NOX3: variants seen among roughly 807,000 people sequenced by gnomAD.
NOX3 encodes NADPH oxidase 3.
NOX3 carries 74 observed loss-of-function variants against 76.7 expected under a neutral mutation model. The ratio of observed to expected loss-of-function variants is 0.96; its 90% CI spans 0.80 to 1.17. The LOEUF (loss-of-function observed/expected upper bound fraction) is 1.17. Among genes scored for constraint, NOX3 ranks in the 50% most tolerant of loss-of-function variants. The probability of loss-of-function intolerance (pLI) is 0.00; values close to 1 mark genes in which losing one functional copy is unlikely to be tolerated. For synonymous variants in NOX3, 263 were observed against 261.1 expected (o/e 1.01, Z -0.07); for missense variants, 695 against 703.3 (o/e 0.99, Z 0.13).
In NOX3 at chr6:155,426,125, G is replaced by T. The variant is rs1357948993; in HGVS notation, c.1145+2669C>A. Among the ~76,000 whole-genome samples, 7 of 152,186 alleles carry T rather than the reference G, an allele frequency of 4.6e-5. No individual in the cohort carries two copies. In the South Asian group the frequency reaches 1.5e-3, roughly 32 times the overall value. On this transcript the variant is annotated intron_variant, in intron 9 of 13. Coordinates refer to ENST00000159060, the MANE Select transcript of NOX3 (RefSeq NM_015718.3). ...ACATCCTGATTCTTTGTATGTTGAA[G>T]ATTTAAACAAATTCTAGTTTTTTGG...
In NOX3 at chr6:155,454,900, C is replaced by T; in HGVS notation, c.166G>A (p.Ala56Thr). 6.2e-7 allele frequency: 1 copy of T among 1,611,044 alleles called. No individual in the cohort carries two copies. Among genetic ancestry groups the T allele is most frequent in the Admixed American group, 1.7e-5 (1 of 59,234 alleles). The change falls in exon 3 of 14, where the codon GCA (alanine) becomes ACA (threonine). Residue 56 changes from alanine to threonine, a missense_variant. Ala to Thr is a moderately conservative substitution (Grantham distance 58). Coordinates refer to ENST00000159060, the MANE Select transcript of NOX3 (RefSeq NM_015718.3). ...TTAAAATTCAGGCACAGTGCGGATG[C>T]TCGTGCCCAAGCCAGTGTTGACTGT... ...ILGSTLAWAR[A>T]SALCLNFNCM...
At chr6:155,400,407 C>T (rs2114673263) in intron 12 of NOX3, among the ~76,000 whole-genome samples, 1 of 152,272 alleles carries the variant, frequency 6.6e-6, no homozygotes, top group Non-Finnish European at 1.5e-5. Flanking sequence ...TACTTTATAC[C>T]CTGAGTGCAT....
At chr6:155,427,439 T>C (rs1441594554) in intron 9 of NOX3, among the ~76,000 whole-genome samples, 1 of 152,204 alleles carries the variant, frequency 6.6e-6, no homozygotes, top group Non-Finnish European at 1.5e-5. Flanking sequence ...AAAGAATCCA[T>C]ATTGGCCCCA....
chr6:155,422,506 G>T (rs920828077), intron 10 of NOX3, among the ~76,000 whole-genome samples, 188 bp downstream of exon 10: 1 of 152,178 alleles, frequency 6.6e-6, no homozygotes, highest in Non-Finnish European at 1.5e-5. Context: ...TCTTTAACAA[G>T]ATTAGACATA....
At chr6:155,403,807 G>A (rs989440120) in intron 12 of NOX3, among the ~76,000 whole-genome samples, 2 of 152,106 alleles carry the variant, frequency 1.3e-5, no homozygotes, top group Non-Finnish European at 1.5e-5. Flanking sequence ...TTTATCCTTG[G>A]TCTCTTGATG....
At chr6:155,418,311 G>C (rs1490569258) in intron 10 of NOX3, among the ~76,000 whole-genome samples, 1 of 152,104 alleles carries the variant, frequency 6.6e-6, no homozygotes, top group African/African-American at 2.4e-5. Context: ...TTTATTGCTA[G>C]AGGGCATTTT....
intron 7 of NOX3, among the ~76,000 whole-genome samples, chr6:155,434,707 C>T (rs1338168464): frequency 6.6e-6 from 1 of 152,182 alleles, no homozygotes; most frequent in Non-Finnish European, 1.5e-5. Context: ...TGGGGCATCA[C>T]ACACTTCATT....
intron 11 of NOX3, among the ~76,000 whole-genome samples, chr6:155,408,809 G>C (rs1776502388): frequency 6.6e-6 from 1 of 152,132 alleles, no homozygotes; most frequent in South Asian, 2.1e-4. Context: ...CAGCAACATG[G>C]GTGGAGCTGG....
chr6:155,448,875 G>A (rs1290555741), intron 4 of NOX3, among the ~76,000 whole-genome samples: 1 of 152,112 alleles, frequency 6.6e-6, no homozygotes, highest in East Asian at 1.9e-4. Context: ...CAAGGACCCA[G>A]GGACAGATTC....
At chr6:155,417,061 T>C (rs1777597309) in intron 10 of NOX3, among the ~76,000 whole-genome samples, 1 of 152,114 alleles carries the variant, frequency 6.6e-6, no homozygotes, top group African/African-American at 2.4e-5. Flanking sequence ...TGAAACATTA[T>C]TTAATAGCAG....
At chr6:155,412,022 T>C (rs1776558326) in intron 10 of NOX3, among the ~76,000 whole-genome samples, 1 of 152,192 alleles carries the variant, frequency 6.6e-6, no homozygotes. Context: ...AAAAAGTAGC[T>C]TGGGTTTGCT....
chr6:155,407,188 A>T lies in NOX3; in HGVS notation c.1522T>A (p.Phe508Ile). The T allele has an allele frequency of 1.2e-6, 2 of 1,614,136 alleles. No homozygotes were observed. The highest frequency in any genetic ancestry group is 1.7e-6 in the Non-Finnish European group (2 of 1,179,990). Residue 508 changes from phenylalanine to isoleucine, a missense_variant, in exon 12 of 14, where the codon TTC (phenylalanine) becomes ATC (isoleucine). By Grantham distance (21) the Phe-to-Ile change is conservative. Transcript: ENST00000159060. ...DVITGLKQKT[F>I]YGRPNWNNEF... ...TTGTTCCAGTTGGGCCTCCCATAGA[A>T]GGTCTTCTGCTTTAAGCCTGTAATC... is the stretch of plus-strand genomic sequence containing the variant.
chr6:155,419,860 T>A (rs1000204584), intron 10 of NOX3, among the ~76,000 whole-genome samples: 1 of 152,146 alleles, frequency 6.6e-6, no homozygotes, highest in Admixed American at 6.5e-5. Context: ...GTAAAAATCA[T>A]TGAAGAATTT....
intron 10 of NOX3, among the ~76,000 whole-genome samples, chr6:155,414,102 G>A (rs984674007): frequency 6.6e-6 from 1 of 152,112 alleles, no homozygotes; most frequent in African/African-American, 2.4e-5. Flanking sequence ...TAATTGACTT[G>A]TAAGTGACAC....
chr6:155,423,151 C>T (rs898274432), intron 9 of NOX3, among the ~76,000 whole-genome samples: 17 of 152,162 alleles, frequency 1.1e-4, no homozygotes, highest in East Asian at 9.6e-4. Context: ...CTCCTTACAG[C>T]GCTTAGAAGC....
At chr6:155,429,122 G>A in intron 8 of NOX3, 75 bp from the exon 9 acceptor site, 1 of 1,389,302 alleles carries the variant, frequency 7.2e-7, no homozygotes, top group Non-Finnish European at 9.5e-7. Context: ...CATCAAAGGT[G>A]TTGAAAATTT....
chr6:155,400,521 G>A (rs1779208548), intron 12 of NOX3, among the ~76,000 whole-genome samples: 3 of 152,070 alleles, frequency 2.0e-5, no homozygotes, highest in Admixed American at 6.6e-5. Flanking sequence ...CACAACTTCT[G>A]GTTAATCCTT....
chr6:155,445,901 T>TATATATATGCTATAGATATATA (rs1562472035), intron 4 of NOX3, among the ~76,000 whole-genome samples: 1 of 128,488 alleles, frequency 7.8e-6, no homozygotes, highest in Non-Finnish European at 1.6e-5. Flanking sequence ...ATATATATAT[T>TATATATATGCTATAGATATATA]ATATATATGC....
At chr6:155,406,989 T>C in intron 12 of NOX3, 141 bp downstream of exon 12, 3 of 880,382 alleles carry the variant, frequency 3.4e-6, no homozygotes, top group Admixed American at 5.0e-5. Context: ...CCCTGAAATA[T>C]ACCATTGATC....
Sources: allele counts gnomAD v4.1 joint callset (sites outside exome capture counted in the v4.1 genomes callset), GRCh38; gene constraint gnomAD v4.1.1; transcripts MANE v1.5; gene names NCBI Gene and HGNC (gene_info 2026-07-23, HGNC 2026-07-21).